Variants in SMAD9 observed in about 807,000 individuals in gnomAD.
SMAD9 encodes the protein MAD homolog 9.
SMAD9 carries 36 observed loss-of-function variants against 46.1 expected under a neutral mutation model. The observed-to-expected ratio is 0.78, with a 90% CI of 0.60 to 1.03. SMAD9 has a LOEUF of 1.03. Among genes scored for constraint, SMAD9 ranks in the 50% least tolerant of loss-of-function variants. SMAD9 has a pLI of 0.00. For synonymous variants in SMAD9, 245 were observed against 237.1 expected (o/e 1.03, Z -0.31); for missense variants, 572 against 599.8 (o/e 0.95, Z 0.48).
intron 1 of SMAD9, among the ~76,000 whole-genome samples, chr13:36,903,899 C>T (rs868307319): frequency 6.6e-6 from 1 of 152,044 alleles, no homozygotes; most frequent in Admixed American, 6.6e-5. Context: ...AATTACAGGG[C>T]ACACGTGATA....
intron 1 of SMAD9, among the ~76,000 whole-genome samples, chr13:36,898,945 A>C (rs1285156850): frequency 6.6e-6 from 1 of 152,208 alleles, no homozygotes; most frequent in African/African-American, 2.4e-5. Context: ...AAAACCAAAT[A>C]CAAGCATAAA....
chr13:36,896,153 G>A (rs1010735445), intron 1 of SMAD9, among the ~76,000 whole-genome samples: 3 of 142,806 alleles, frequency 2.1e-5, no homozygotes, highest in Non-Finnish European at 3.0e-5. Flanking sequence ...ATTTATTTGA[G>A]ACAGGGTCTC....
chr13:36,865,478 C>T, intron 5 of SMAD9, 59 bp downstream of exon 5: 1 of 1,412,822 alleles, frequency 7.1e-7, no homozygotes, highest in Non-Finnish European at 1.0e-6. Flanking sequence ...TGCACTTCTA[C>T]ACACATGACC....
chr13:36,916,637 G>A (rs1160663070), intron 1 of SMAD9, among the ~76,000 whole-genome samples: 2 of 152,052 alleles, frequency 1.3e-5, no homozygotes, highest in Non-Finnish European at 2.9e-5. Context: ...GAATAAAAAA[G>A]GTAGATGAAA....
chr13:36,853,568 C>A lies in SMAD9; in HGVS notation c.1111G>T (p.Ala371Ser), dbSNP rs761253010. Residue 371 changes from alanine to serine, a missense_variant, in exon 6 of 7, where the codon GCT (alanine) becomes TCT (serine). Coordinates refer to ENST00000379826, the MANE Select transcript of SMAD9 (RefSeq NM_001127217.3). ...NCNYQHGFHP[A>S]TVCKIPSGCS... ...CCGCTGGGGATCTTGCAGACGGTAGCTGGGTGGAAGCCGTGTTGATAGTTG... is the reference window on the plus strand; with the variant it reads ...CCGCTGGGGATCTTGCAGACGGTAGATGGGTGGAAGCCGTGTTGATAGTTG... 5.0e-6 allele frequency: 8 copies of A among 1,614,176 alleles called. No individual in the cohort carries two copies. The South Asian group carries it at 8.8e-5, about 18-fold the overall frequency.
chr13:36,897,750 G>T (rs1052809828), intron 1 of SMAD9, among the ~76,000 whole-genome samples: 4 of 149,866 alleles, frequency 2.7e-5, no homozygotes, highest in Non-Finnish European at 5.9e-5. Flanking sequence ...TGCATTTTCA[G>T]TTATAATTGC....
intron 1 of SMAD9, among the ~76,000 whole-genome samples, chr13:36,880,294 A>G (rs1566027199): frequency 6.6e-6 from 1 of 151,950 alleles, no homozygotes; most frequent in East Asian, 1.9e-4. Flanking sequence ...CTTACTCCCA[A>G]ACACAGCTCT....
rs116602803 is a variant in SMAD9, at chr13:36,851,767, A to G, written c.1260+1652T>C. On this transcript the variant is annotated intron_variant, in intron 6 of 6. Coordinates refer to ENST00000379826, the MANE Select transcript of SMAD9 (RefSeq NM_001127217.3). Reference sequence around the variant, plus strand: ...CTATAGTTATATTTACTATGTATTTATTTTAAAAGTTCCTGCAGTATTAGG... The same window carrying G: ...CTATAGTTATATTTACTATGTATTTGTTTTAAAAGTTCCTGCAGTATTAGG... 795 of 970,592 alleles carry G rather than the reference A, an allele frequency of 8.2e-4. 7 individuals carry two copies. The African/African-American group carries it at 0.013, about 16-fold the overall frequency. 60.1% of individuals were successfully genotyped at this position (970,592 alleles called of 1,614,324 possible).
chr13:36,860,628 A>G (rs1314513346), intron 5 of SMAD9, among the ~76,000 whole-genome samples: 3 of 149,380 alleles, frequency 2.0e-5, no homozygotes, highest in Admixed American at 1.3e-4. Context: ...TTTTTTTTGT[A>G]TTTTTTAGTA....
intron 1 of SMAD9, among the ~76,000 whole-genome samples, chr13:36,890,126 A>G (rs1031047534): frequency 6.6e-6 from 1 of 152,212 alleles, no homozygotes. Flanking sequence ...TTCGAAAGGC[A>G]TATCTAATTT....
chr13:36,873,288 T>C (rs1481361427), intron 2 of SMAD9, among the ~76,000 whole-genome samples: 1 of 152,230 alleles, frequency 6.6e-6, no homozygotes, highest in Non-Finnish European at 1.5e-5. Flanking sequence ...TCTGGCAACC[T>C]GATTGTTACG....
intron 1 of SMAD9, among the ~76,000 whole-genome samples, chr13:36,891,181 T>C (rs2058486397): frequency 6.8e-6 from 1 of 146,166 alleles, no homozygotes; most frequent in Non-Finnish European, 1.5e-5. Flanking sequence ...TATCTTTCCT[T>C]GTGCTTAGGA....
rs138844048 is a variant in SMAD9 at position 36,896,665 on chromosome 13, CA to C, written c.-186-16791del. Among the ~76,000 whole-genome samples the C allele has an allele frequency of 3.5e-4, 53 of 150,840 alleles. 3 individuals carry two copies. The East Asian group carries it at 9.7e-3, about 28-fold the overall frequency. On this transcript the variant is annotated intron_variant, in intron 1 of 6. Transcript: ENST00000379826. ...AAATTTGTGTGAATGAAAAACAAGC[CA>C]AAAAAAATAGAAAAATATGGAAAAG...
intron 2 of SMAD9, among the ~76,000 whole-genome samples, chr13:36,876,272 T>TGTG (rs1593584576): frequency 6.6e-6 from 1 of 152,278 alleles, no homozygotes; most frequent in East Asian, 1.9e-4. Context: ...AAAAGTCATG[T>TGTG]GGTTTTGATA....
chr13:36,879,549 C>T lies in SMAD9; in HGVS notation c.141G>A (p.Lys47=). 1.9e-6 allele frequency: 3 copies of T among 1,614,222 alleles called. No homozygotes were observed. The highest frequency in any genetic ancestry group is 2.5e-6 in the Non-Finnish European group (3 of 1,180,050). The change falls in exon 2 of 7, where the codon AAG becomes AAA. Residue 47 remains lysine, a synonymous_variant. Transcript: ENST00000379826. ...AVDSLVKKLK[K]KKGAMDELER... ...CCAGCTCGTCCATGGCTCCCTTCTT[C>T]TTCTTTAACTTCTTCACTAGAGAGT...
chr13:36,907,274 G>T (rs992241921), intron 1 of SMAD9, among the ~76,000 whole-genome samples: 60 of 151,294 alleles, frequency 4.0e-4, no homozygotes, highest in African/African-American at 1.4e-3. Flanking sequence ...ATGGTACAGA[G>T]TTTCAGTTTG....
At chr13:36,896,279 C>A (rs1284915923) in intron 1 of SMAD9, among the ~76,000 whole-genome samples, 1 of 152,040 alleles carries the variant, frequency 6.6e-6, no homozygotes. Context: ...ACTATAGGCA[C>A]ATGCCACCAT....
At chr13:36,858,840 G>T (rs867478428) in intron 5 of SMAD9, among the ~76,000 whole-genome samples, 3 of 152,094 alleles carry the variant, frequency 2.0e-5, no homozygotes, top group Non-Finnish European at 4.4e-5. Flanking sequence ...CTCCTGCCTA[G>T]TTGGGGCTAC....
intron 2 of SMAD9, among the ~76,000 whole-genome samples, chr13:36,878,461 G>C (rs1332955326): frequency 6.6e-6 from 1 of 152,172 alleles, no homozygotes; most frequent in Non-Finnish European, 1.5e-5. Flanking sequence ...GGTGTAGCAG[G>C]CTCATGGTTT....
Sources: gnomAD v4.1 joint callset for allele counts (sites outside exome capture counted in the v4.1 genomes callset) on GRCh38, gnomAD v4.1.1 for gene constraint, MANE v1.5 for transcripts, NCBI Gene and HGNC (gene_info 2026-07-23, HGNC 2026-07-21) for gene names.